SLC4A4: variants seen among roughly 807,000 people sequenced by gnomAD.
SLC4A4 encodes solute carrier family 4 member 4.
Under a neutral mutation model 111.5 loss-of-function variants are expected in SLC4A4, and 27 were observed. The observed-to-expected ratio is 0.24, with a 90% confidence interval of 0.18 to 0.33. The LOEUF (loss-of-function observed/expected upper bound fraction) is 0.33. Ranked by LOEUF, SLC4A4 falls within the 10% of genes least tolerant of loss-of-function variation. SLC4A4 has a pLI of 1.00. For synonymous variants in SLC4A4, 443 were observed against 463.4 expected, an observed-to-expected ratio of 0.96 and a Z score of 0.57; for missense variants, 909 against 1,315.5, an observed-to-expected ratio of 0.69 and a Z score of 4.78.
chr4:71,154,682 T>A (rs1578531137), intron 2 of SLC4A4, among the ~76,000 whole-genome samples: 2 of 152,116 alleles, frequency 1.3e-5, no homozygotes, highest in East Asian at 3.9e-4. Flanking sequence ...GGAGGCAAAA[T>A]AGAAATGCTA....
chr4:71,555,763 A>G (rs181847177), intron 21 of SLC4A4, among the ~76,000 whole-genome samples: 9 of 152,082 alleles, frequency 5.9e-5, no homozygotes, highest in African/African-American at 1.9e-4. Flanking sequence ...TCAACTGGGC[A>G]TGGTGGTGCA....
At chr4:71,565,098 C>A (rs868143030) in intron 24 of SLC4A4, among the ~76,000 whole-genome samples, 1 of 151,674 alleles carries the variant, frequency 6.6e-6, no homozygotes, top group African/African-American at 2.4e-5. Flanking sequence ...AATAGGGACT[C>A]AAGGGCCCCA....
intron 1 of SLC4A4, among the ~76,000 whole-genome samples, chr4:71,062,923 C>G (rs1436813860): frequency 6.6e-6 from 1 of 152,102 alleles, no homozygotes; most frequent in East Asian, 1.9e-4. Context: ...GATTTTCATC[C>G]ATTGTTAAAA....
In SLC4A4 at chr4:71,130,642, G is replaced by T. The variant is rs189192182; in HGVS notation, c.-2+37850G>T. Among the ~76,000 whole-genome samples the T allele has an allele frequency of 9.9e-5, 15 of 152,182 alleles. No homozygotes were observed. In the East Asian group the frequency reaches 2.3e-3, roughly 23 times the overall value. ...GAGTGTCACTTACTATTTTCAATATGCTCTTAGCATTAAGTGATATCATAC... is the reference window on the plus strand; with the variant it reads ...GAGTGTCACTTACTATTTTCAATATTCTCTTAGCATTAAGTGATATCATAC... On this transcript the variant is annotated intron_variant, in intron 2 of 26. Coordinates refer to the SLC4A4 transcript ENST00000649996.
At chr4:71,521,220 C>A (rs1384479962) in intron 16 of SLC4A4, among the ~76,000 whole-genome samples, 1 of 152,004 alleles carries the variant, frequency 6.6e-6, no homozygotes, top group Non-Finnish European at 1.5e-5. Flanking sequence ...AGATCAAAAT[C>A]TTTTTTCTTC....
chr4:71,429,960 T>C (rs920316099), intron 7 of SLC4A4, among the ~76,000 whole-genome samples: 1 of 152,184 alleles, frequency 6.6e-6, no homozygotes, highest in African/African-American at 2.4e-5. Flanking sequence ...ACTTTATTAT[T>C]GTTCACAGTT....
chr4:71,068,424 C>A (rs921972879), intron 1 of SLC4A4, among the ~76,000 whole-genome samples: 3 of 152,096 alleles, frequency 2.0e-5, no homozygotes, highest in Non-Finnish European at 4.4e-5. Context: ...CCACCCAGAT[C>A]AAAATACAGA....
At chr4:71,401,948 A>T (rs1720402351) in intron 7 of SLC4A4, among the ~76,000 whole-genome samples, 1 of 152,192 alleles carries the variant, frequency 6.6e-6, no homozygotes, top group Admixed American at 6.5e-5. Flanking sequence ...TTTCTGTGAT[A>T]TTCATTATTT....
At chr4:71,451,092 T>C in intron 10 of SLC4A4, 96 bp from the exon 11 acceptor site, 1 of 815,536 alleles carries the variant, frequency 1.2e-6, no homozygotes, top group Non-Finnish European at 2.1e-6. Context: ...CTTAAGGGTT[T>C]TCACTCCATC....
chr4:71,294,400 G>T (rs1317449101), intron 3 of SLC4A4, among the ~76,000 whole-genome samples: 3 of 152,208 alleles, frequency 2.0e-5, no homozygotes, highest in Admixed American at 6.5e-5. Flanking sequence ...GTTGATGTAA[G>T]TTCATGTTTG....
chr4:71,190,588 G>A (rs904290819), intron 1 of SLC4A4, among the ~76,000 whole-genome samples: 4 of 152,130 alleles, frequency 2.6e-5, no homozygotes, highest in Non-Finnish European at 5.9e-5. Context: ...TGAGAGCCAG[G>A]TGCAGTGGTC....
chr4:71,529,431 G>A (rs1054343481), intron 16 of SLC4A4, among the ~76,000 whole-genome samples: 4 of 150,808 alleles, frequency 2.7e-5, no homozygotes, highest in African/African-American at 9.8e-5. Context: ...TTGGAATCAT[G>A]CGTCTTGATC....
chr4:71,214,006 C>T (rs540458416), intron 1 of SLC4A4, among the ~76,000 whole-genome samples: 11 of 152,214 alleles, frequency 7.2e-5, no homozygotes, highest in East Asian at 1.9e-4. Context: ...CTACACCCTA[C>T]GTAGGCTGCT....
chr4:71,078,855 G>T (rs1323457097), intron 1 of SLC4A4, among the ~76,000 whole-genome samples: 2 of 151,804 alleles, frequency 1.3e-5, no homozygotes, highest in Admixed American at 6.6e-5. Flanking sequence ...GTCTCACTCT[G>T]TTGCCCAGGT....
intron 12 of SLC4A4, among the ~76,000 whole-genome samples, chr4:71,456,321 C>A (rs1303973143): frequency 6.6e-6 from 1 of 151,766 alleles, no homozygotes; most frequent in East Asian, 1.9e-4. Context: ...CAGTAAGTGG[C>A]AAAAACACTG....
intron 2 of SLC4A4, among the ~76,000 whole-genome samples, chr4:71,128,460 C>T (rs916604775): frequency 1.3e-5 from 2 of 151,266 alleles, no homozygotes; most frequent in African/African-American, 4.9e-5. Context: ...GACCCTGTCT[C>T]AAAAAAAGAA....
intron 3 of SLC4A4, among the ~76,000 whole-genome samples, chr4:71,268,868 C>T (rs1046562388): frequency 3.9e-5 from 6 of 152,224 alleles, no homozygotes; most frequent in Non-Finnish European, 5.9e-5. Flanking sequence ...GCCGCGTTAA[C>T]TATATGTTGC....
intron 3 of SLC4A4, among the ~76,000 whole-genome samples, chr4:71,309,622 C>G (rs1045621149): frequency 7.2e-5 from 11 of 152,098 alleles, no homozygotes; most frequent in Non-Finnish European, 1.6e-4. Context: ...AAACAAGAAG[C>G]AATAACGTCA....
chr4:71,278,250 T>A (rs997489194), intron 3 of SLC4A4, among the ~76,000 whole-genome samples: 1 of 152,210 alleles, frequency 6.6e-6, no homozygotes, highest in East Asian at 1.9e-4. Flanking sequence ...TCAAAGTTTA[T>A]TCATGTTGTC....
Sources: allele counts gnomAD v4.1 joint callset (sites outside exome capture counted in the v4.1 genomes callset), GRCh38; gene constraint gnomAD v4.1.1; transcripts MANE v1.5; gene names NCBI Gene and HGNC (gene_info 2026-07-23, HGNC 2026-07-21).